Variants in PUF60 observed in about 807,000 individuals in gnomAD.
The protein encoded by PUF60 is poly(U) binding splicing factor 60, also known as poly(U)-binding-splicing factor PUF60.
In PUF60, 10 loss-of-function variants were observed where a neutral mutation model predicts 61.8. The observed-to-expected ratio is 0.16, with a 90% CI of 0.10 to 0.27. The LOEUF (loss-of-function observed/expected upper bound fraction) is 0.27, where lower values mean the gene tolerates loss of function less well. Among genes scored for constraint, PUF60 ranks in the 10% least tolerant of loss-of-function variants. The probability of loss-of-function intolerance (pLI) is 1.00; values close to 1 mark genes in which losing one functional copy is unlikely to be tolerated. For missense variants in PUF60, 371 were observed against 754.0 expected, an observed-to-expected ratio of 0.49 and a Z score of 5.95; for synonymous variants, 353 against 300.9, an observed-to-expected ratio of 1.17 and a Z score of -1.79.
At position 143,817,817 on chromosome 8, in the gene PUF60, C is replaced by G; in HGVS notation, c.818-35G>C. The G allele has an allele frequency of 1.9e-6, 3 of 1,607,566 alleles. No individual in the cohort carries two copies. Among genetic ancestry groups the G allele is most frequent in the Non-Finnish European group, 2.5e-6 (3 of 1,177,080 alleles). On this transcript the variant is annotated intron_variant, in intron 8 of 11. Transcript: ENST00000526683. This position sits in a 1 kb window ranked among gnomAD's most constrained non-coding sequence, Gnocchi z 7.4. ...GGAGCAGCAGTGAGCAGGGCCAGCC[C>G]CAGCCTCAGGTGGCCCCCATCCCGC...
chr8:143,821,322 T>C, intron 4 of PUF60: 6 of 576,138 alleles, frequency 1.0e-5, no homozygotes, highest in Non-Finnish European at 3.1e-6. Flanking sequence ...GAGGCCACAG[T>C]GTGAAGACCA....
Position 143,818,801 on chromosome 8 carries a change from G to A in PUF60, c.349-267C>T. 1 of 534,466 alleles carries A rather than the reference G, an allele frequency of 1.9e-6. No homozygotes were observed. Among genetic ancestry groups the A allele is most frequent in the Non-Finnish European group, 3.3e-6 (1 of 301,516 alleles). 33.1% of individuals were successfully genotyped at this position (534,466 alleles called of 1,614,324 possible). On this transcript the variant is annotated intron_variant, in intron 5 of 11. Transcript: ENST00000526683. The surrounding 1 kb of genome is among the most constrained non-coding windows in gnomAD (Gnocchi z 7.9). ...GCAGACTGCGGCAGCAAAGCCGACA[G>A]ATGGTCAGGAGGCAGGGCTGTGCGC...
At chr8:143,825,464 G>T (rs944334148) in intron 1 of PUF60, among the ~76,000 whole-genome samples, 3 of 152,108 alleles carry the variant, frequency 2.0e-5, no homozygotes, top group African/African-American at 7.2e-5. Context: ...ACTGCACCCC[G>T]GAGAGAGTGA....
intron 5 of PUF60, chr8:143,820,435 C>G (rs1214770558): frequency 1.4e-5 from 8 of 581,070 alleles, no homozygotes; most frequent in Non-Finnish European, 2.4e-5. Flanking sequence ...AGTTACCTGG[C>G]CGATTAGTTT....
rs1234905528 is a variant in PUF60, at chr8:143,824,548, C to G, written c.25-149G>C. ...TCCCGACATGACCCCCCAGCCCAAA[C>G]TGCCCTCTCTTCACACCCATCAGCA... On this transcript the variant is annotated intron_variant, in intron 1 of 11. Coordinates refer to ENST00000526683, the MANE Select transcript of PUF60 (RefSeq NM_078480.3). 13 of 741,084 alleles carry G rather than the reference C, an allele frequency of 1.8e-5. No homozygotes were observed. The East Asian group carries it at 3.5e-4, about 20-fold the overall frequency. The allele number at this position is 741,084 out of a possible 1,614,324, so 45.9% of individuals were successfully genotyped here.
At position 143,818,260 on chromosome 8, in the gene PUF60, A is replaced by G; in HGVS notation, c.536T>C (p.Val179Ala). Residue 179 changes from valine to alanine, a missense_variant, in exon 7 of 12, where the codon GTC becomes GCC. Val to Ala is a moderately conservative substitution (Grantham distance 64). Transcript: ENST00000526683. The surrounding 1 kb of genome is among the most constrained non-coding windows in gnomAD (Gnocchi z 7.9). ...HKGFAFVEYEVPEAAQLALEQ... is the reference protein window; with the variant it reads ...HKGFAFVEYEAPEAAQLALEQ... ...CAAGGCCAGCTGTGCAGCTTCGGGG[A>G]CCTCATACTCCACGAAGGCAAAGCC... The G allele has an allele frequency of 6.2e-7, 1 of 1,610,248 alleles. No homozygotes were observed.
chr8:143,824,286 G>A (rs764057128), intron 2 of PUF60, 27 bp downstream of exon 2: 1 of 1,572,378 alleles, frequency 6.4e-7, no homozygotes, highest in Non-Finnish European at 8.6e-7. Context: ...GGGCGGGCCT[G>A]AGGGAGAGGA....
In PUF60 at chr8:143,816,435, C is replaced by T. The variant is rs983406978; in HGVS notation, c.*85G>A. ...ACTGTAGGCTGGGCTGGGCAGAGCG[C>T]GCCTGGCCCCGGGGACACCACTGTA... On this transcript the variant is annotated 3_prime_UTR_variant, in exon 12 of 12. Coordinates refer to ENST00000526683, the MANE Select transcript of PUF60 (RefSeq NM_078480.3). The T allele has an allele frequency of 8.9e-6, 13 of 1,455,768 alleles. No individual in the cohort carries two copies. In the Admixed American group the frequency reaches 1.5e-4, roughly 17 times the overall value. 90.2% of individuals were successfully genotyped at this position (1,455,768 alleles called of 1,614,324 possible). A position where few individuals can be genotyped will look rare whatever the true frequency, so the allele number is the denominator to read the frequency against.
chr8:143,821,914 C>A lies in PUF60; in HGVS notation c.112-1G>T. 6.3e-7 allele frequency: 1 copy of A among 1,593,900 alleles called. No individual in the cohort carries two copies. On this transcript the variant is annotated splice_acceptor_variant, in intron 2 of 11. Coordinates refer to ENST00000526683, the MANE Select transcript of PUF60 (RefSeq NM_078480.3). LOFTEE classifies it high-confidence loss of function. ...TCTCCATCTTGATGGAGTCTGTGCCCTGGTAAGGGAGCAGGGGAATCCATC... is the reference window on the plus strand; with the variant it reads ...TCTCCATCTTGATGGAGTCTGTGCCATGGTAAGGGAGCAGGGGAATCCATC...
At chr8:143,824,166 T>G in intron 2 of PUF60, 147 bp downstream of exon 2, 1 of 766,732 alleles carries the variant, frequency 1.3e-6, no homozygotes, top group Non-Finnish European at 2.1e-6. Flanking sequence ...TGCGGGCAGT[T>G]GTCTGCCCAG....
At position 143,818,308 on chromosome 8, in the gene PUF60, C is replaced by G. The variant is rs746284038; in HGVS notation, c.511-23G>C. ...GCCCTAGACACAGGGACACACCTGTCAGGCTGCGCGAGCCCAGGGGTGGGG... is the reference window on the plus strand; with the variant it reads ...GCCCTAGACACAGGGACACACCTGTGAGGCTGCGCGAGCCCAGGGGTGGGG... On this transcript the variant is annotated intron_variant, in intron 6 of 11. Transcript: ENST00000526683. The surrounding 1 kb of genome is among the most constrained non-coding windows in gnomAD (Gnocchi z 7.9). 2 of 1,606,552 alleles carry G rather than the reference C, an allele frequency of 1.2e-6. No individual in the cohort carries two copies. The highest frequency in any genetic ancestry group is 3.4e-5 in the Admixed American group (2 of 59,684).
Position 143,818,303 on chromosome 8 carries a change from C to T in PUF60, c.511-18G>A. 6.2e-7 allele frequency: 1 copy of T among 1,606,904 alleles called. No homozygotes were observed. ...GCAAAGCCCTAGACACAGGGACACACCTGTCAGGCTGCGCGAGCCCAGGGG... is the reference window on the plus strand; with the variant it reads ...GCAAAGCCCTAGACACAGGGACACATCTGTCAGGCTGCGCGAGCCCAGGGG... On this transcript the variant is annotated intron_variant, in intron 6 of 11. Coordinates refer to ENST00000526683, the MANE Select transcript of PUF60 (RefSeq NM_078480.3). This position sits in a 1 kb window ranked among gnomAD's most constrained non-coding sequence, Gnocchi z 7.9.
Position 143,817,673 on chromosome 8 carries a change from T to C in PUF60, c.927A>G (p.Leu309=), listed in dbSNP as rs781419899. The stretch of plus-strand genomic sequence containing the variant: ...GGCCTCCAGGCGTGGCTGGTGTGAG[T>C]AGGGGCATGGGCGGTGTGACAGCCT... ...VGKAVTPPMP[L]LTPATPGGLP... is the part of the protein sequence containing the mutation. The change falls in exon 9 of 12, where the codon CTA becomes CTG. Residue 309 remains leucine, a synonymous_variant. Coordinates refer to ENST00000526683, the MANE Select transcript of PUF60 (RefSeq NM_078480.3). The surrounding 1 kb of genome is among the most constrained non-coding windows in gnomAD (Gnocchi z 7.4). The C allele has an allele frequency of 6.2e-7, 1 of 1,612,512 alleles. No individual in the cohort carries two copies. The highest frequency in any genetic ancestry group is 1.1e-5 in the South Asian group (1 of 91,070).
At chr8:143,824,280 G>C (rs368921838) in intron 2 of PUF60, 33 bp downstream of exon 2, 2 of 1,550,080 alleles carry the variant, frequency 1.3e-6, no homozygotes, top group East Asian at 2.4e-5. Context: ...GCAGGCGGGC[G>C]GGCCTGAGGG....
chr8:143,828,610 T>G (rs2130464276), intron 1 of PUF60, among the ~76,000 whole-genome samples: 1 of 152,292 alleles, frequency 6.6e-6, no homozygotes, highest in East Asian at 1.9e-4. Context: ...GGAACTGGCT[T>G]CTGGTGCGCA....
At chr8:143,825,843 A>AGG (rs1817583531) in intron 1 of PUF60, among the ~76,000 whole-genome samples, 1 of 152,236 alleles carries the variant, frequency 6.6e-6, no homozygotes, top group South Asian at 2.1e-4. Context: ...GGGTGAACTG[A>AGG]GGGGCACTTT....
Position 143,818,256 on chromosome 8 carries a change from G to T in PUF60, c.540C>A (p.Pro180=). Residue 180 remains proline, a synonymous_variant, in exon 7 of 12, where the codon CCC becomes CCA. Transcript: ENST00000526683. This position sits in a 1 kb window ranked among gnomAD's most constrained non-coding sequence, Gnocchi z 7.9. The part of the protein sequence containing the change: ...KGFAFVEYEV[P]EAAQLALEQM... ...GCTCCAAGGCCAGCTGTGCAGCTTC[G>T]GGGACCTCATACTCCACGAAGGCAA... 6.2e-7 allele frequency: 1 copy of T among 1,610,590 alleles called. No homozygotes were observed. Among genetic ancestry groups the T allele is most frequent in the Non-Finnish European group, 8.5e-7 (1 of 1,178,678 alleles).
chr8:143,817,189 C>T lies in PUF60; in HGVS notation c.1145-44G>A. On this transcript the variant is annotated intron_variant, in intron 10 of 11. Transcript: ENST00000526683. This position sits in a 1 kb window ranked among gnomAD's most constrained non-coding sequence, Gnocchi z 7.4. The stretch of plus-strand genomic sequence containing the variant: ...GGTCCATCAGTCACTCCCTACCACC[C>T]CCCTTCCCAGAAAGGCACAGAGCTG... 2.6e-6 allele frequency: 4 copies of T among 1,535,610 alleles called. No homozygotes were observed. The highest frequency in any genetic ancestry group is 3.5e-6 in the Non-Finnish European group (4 of 1,138,666).
intron 2 of PUF60, chr8:143,822,602 C>A (rs1255984942): frequency 6.6e-6 from 3 of 456,514 alleles, no homozygotes; most frequent in Non-Finnish European, 1.3e-5. Flanking sequence ...CAGGAGCAGA[C>A]CCCACTGGCA....
Sources: gnomAD v4.1 joint callset for allele counts (sites outside exome capture counted in the v4.1 genomes callset) on GRCh38, gnomAD v4.1.1 for gene constraint, Gnocchi (gnomAD v3.1) non-coding constraint, MANE v1.5 for transcripts, NCBI Gene and HGNC (gene_info 2026-07-23, HGNC 2026-07-21) for gene names.